The following TLE4 variants were observed in gnomAD, a reference collection of about 807,000 sequenced individuals.
The protein encoded by TLE4 is TLE family member 4, transcriptional corepressor, also known as transducin-like enhancer protein 4.
A neutral mutation model predicts 92.8 loss-of-function variants in TLE4; 8 were observed. That is an observed-to-expected ratio of 0.09 (90% CI 0.05 to 0.16). The LOEUF (loss-of-function observed/expected upper bound fraction) is 0.16. Ranked by LOEUF, TLE4 falls within the 10% of genes least tolerant of loss-of-function variation. The probability of loss-of-function intolerance (pLI) is 1.00; values close to 1 mark genes in which losing one functional copy is unlikely to be tolerated. For missense variants in TLE4, 675 were observed against 997.6 expected (o/e 0.68, Z 4.36); for synonymous variants, 371 against 374.1 (o/e 0.99, Z 0.10).
At chr9:79,702,240 AT>A (rs1240172539) in intron 8 of TLE4, among the ~76,000 whole-genome samples, 4 of 152,188 alleles carry the variant, frequency 2.6e-5, no homozygotes, top group East Asian at 3.9e-4. Context: ...GAAATTTGGA[AT>A]TTTTTTCCCC....
chr9:79,684,566 A>G (rs2065409468), intron 8 of TLE4, among the ~76,000 whole-genome samples: 1 of 152,210 alleles, frequency 6.6e-6, no homozygotes, highest in African/African-American at 2.4e-5. Context: ...GAAGTGGAAC[A>G]GTTTCATCCC....
At chr9:79,598,529 T>G (rs1055305189) in intron 4 of TLE4, among the ~76,000 whole-genome samples, 3 of 152,184 alleles carry the variant, frequency 2.0e-5, no homozygotes, top group Non-Finnish European at 4.4e-5. Context: ...AGGGAAATAG[T>G]CCTCTAAAAA....
chr9:79,621,936 C>G (rs1013454374), intron 5 of TLE4, among the ~76,000 whole-genome samples: 2 of 152,196 alleles, frequency 1.3e-5, no homozygotes, highest in African/African-American at 4.8e-5. Flanking sequence ...TATTGCAGCC[C>G]TCTAACTGTT....
intron 4 of TLE4, among the ~76,000 whole-genome samples, chr9:79,601,018 A>G (rs1447205696): frequency 6.6e-6 from 1 of 152,218 alleles, no homozygotes; most frequent in Admixed American, 6.5e-5. Flanking sequence ...CTTCTAACAA[A>G]TCCATCAGTC....
chr9:79,572,844 G>A lies in TLE4; in HGVS notation c.45+9G>A. The A allele has an allele frequency of 1.5e-5, 24 of 1,593,994 alleles. No homozygotes were observed. The highest frequency in any genetic ancestry group is 2.0e-5 in the Non-Finnish European group (24 of 1,171,114). On this transcript the variant is annotated intron_variant, in intron 1 of 19. Transcript: ENST00000376552. Reference sequence around the variant, plus strand: ...CGCAGACCAGACACCCAGTGAGTGCGGGCGGCGGGGCGCGGGCTCGCCGGG... The same window carrying A: ...CGCAGACCAGACACCCAGTGAGTGCAGGCGGCGGGGCGCGGGCTCGCCGGG...
intron 14 of TLE4, among the ~76,000 whole-genome samples, chr9:79,716,209 C>T (rs2074466704): frequency 6.6e-6 from 1 of 152,186 alleles, no homozygotes; most frequent in Non-Finnish European, 1.5e-5. Flanking sequence ...TATATGCTCT[C>T]CACCGAATGC....
chr9:79,720,327 G>A, intron 16 of TLE4, 34 bp downstream of exon 16: 1 of 1,587,118 alleles, frequency 6.3e-7, no homozygotes, highest in Non-Finnish European at 8.6e-7. Context: ...AGGTTGTGAG[G>A]AGGAGCCGAT....
At chr9:79,645,712 T>C (rs1163330670) in intron 6 of TLE4, among the ~76,000 whole-genome samples, 1 of 152,216 alleles carries the variant, frequency 6.6e-6, no homozygotes. Context: ...TCAGACATCA[T>C]TGCTATTTTT....
intron 5 of TLE4, among the ~76,000 whole-genome samples, chr9:79,621,542 C>T: frequency 6.6e-6 from 1 of 152,050 alleles, no homozygotes; most frequent in Admixed American, 6.6e-5. Flanking sequence ...AAAGCTTGTC[C>T]ATGAGGTAGT....
chr9:79,703,849 G>A (rs1354960349), intron 8 of TLE4, among the ~76,000 whole-genome samples: 4 of 152,102 alleles, frequency 2.6e-5, no homozygotes, highest in South Asian at 4.1e-4. Context: ...AACATATGGC[G>A]CTGAGCAAAA....
intron 1 of TLE4, 196 bp from the exon 2 acceptor site, chr9:79,573,492 GC>G: frequency 2.2e-6 from 2 of 917,098 alleles, no homozygotes; most frequent in Non-Finnish European, 2.9e-6. Context: ...AGTATGCGGG[GC>G]CCCAGGACCA....
At chr9:79,720,525 T>C (rs998667462) in intron 16 of TLE4, among the ~76,000 whole-genome samples, 8 of 152,114 alleles carry the variant, frequency 5.3e-5, no homozygotes, top group Non-Finnish European at 1.2e-4. Context: ...TCTGTAGTAC[T>C]TGAACTTCAT....
intron 13 of TLE4, among the ~76,000 whole-genome samples, 193 bp downstream of exon 13, chr9:79,708,979 G>A (rs911778755): frequency 1.3e-5 from 2 of 152,038 alleles, no homozygotes; most frequent in African/African-American, 4.8e-5. Context: ...AAAACAGCAT[G>A]CGCCACCATG....
chr9:79,585,703 T>C (rs922606127), intron 4 of TLE4, among the ~76,000 whole-genome samples: 2 of 152,280 alleles, frequency 1.3e-5, no homozygotes, highest in Non-Finnish European at 2.9e-5. Flanking sequence ...TTAGCACTTA[T>C]TTTCAGAATT....
At chr9:79,613,548 A>G (rs544537563) in intron 5 of TLE4, among the ~76,000 whole-genome samples, 1 of 152,182 alleles carries the variant, frequency 6.6e-6, no homozygotes, top group South Asian at 2.1e-4. Context: ...TGCTCAGGTA[A>G]GATCCACTCT....
intron 9 of TLE4, 126 bp downstream of exon 9, chr9:79,705,028 TTTA>T: frequency 1.5e-6 from 2 of 1,353,766 alleles, no homozygotes; most frequent in Middle Eastern, 1.9e-4. Context: ...ACAAAAAACA[TTTA>T]TTGTATTTAT....
chr9:79,668,485 C>CTT (rs1261017600), intron 8 of TLE4, among the ~76,000 whole-genome samples: 1 of 152,122 alleles, frequency 6.6e-6, no homozygotes, highest in East Asian at 1.9e-4. Context: ...AATTTTGTTG[C>CTT]TTATGTACCT....
In TLE4 at chr9:79,690,779, C is replaced by CTTTTTT. The variant is rs35528090; in HGVS notation, c.610-13981_610-13976dup. Among the ~76,000 whole-genome samples the CTTTTTT allele has an allele frequency of 6.3e-3, 343 of 54,180 alleles. 2 individuals are homozygous for CTTTTTT. The highest frequency in any genetic ancestry group is 0.012 in the African/African-American group (182 of 14,630). 35.5% of individuals were successfully genotyped at this position (54,180 alleles called of 152,430 possible). On this transcript the variant is annotated intron_variant, in intron 8 of 19. Transcript: ENST00000376552. ...TATAGGAATGTGCCACCACTCCTGG[C>CTTTTTT]TTTTTTTTTTTTTTTTTTTTTTTTT...
intron 4 of TLE4, among the ~76,000 whole-genome samples, chr9:79,589,240 G>A (rs2041953520): frequency 6.6e-6 from 1 of 152,182 alleles, no homozygotes; most frequent in African/African-American, 2.4e-5. Context: ...GTAGAGAAAG[G>A]CCAAGTATGA....
Sources: allele counts gnomAD v4.1 joint callset (sites outside exome capture counted in the v4.1 genomes callset), GRCh38; gene constraint gnomAD v4.1.1; transcripts MANE v1.5; gene names NCBI Gene and HGNC (gene_info 2026-07-23, HGNC 2026-07-21).